Variants in LRP1B observed in about 807,000 individuals in gnomAD.
LRP1B encodes the protein LDL receptor related protein 1B.
A neutral mutation model predicts 556.6 loss-of-function variants in LRP1B; 217 were observed. The observed-to-expected ratio is 0.39, with a 90% confidence interval of 0.35 to 0.44. The LOEUF (loss-of-function observed/expected upper bound fraction) is 0.44. Ranked by LOEUF, LRP1B falls within the 20% of genes least tolerant of loss-of-function variation. The pLI, the probability that LRP1B is intolerant of heterozygous loss-of-function variation, is 1.00. For missense variants in LRP1B, 5,053 were observed against 5,620.8 expected (o/e 0.90, Z 3.23); for synonymous variants, 2,047 against 1,865.8 (o/e 1.10, Z -2.50).
chr2:141,314,923 T>A (rs1270639070), intron 3 of LRP1B, among the ~76,000 whole-genome samples: 2 of 146,648 alleles, frequency 1.4e-5, no homozygotes, highest in Non-Finnish European at 3.0e-5. Context: ...CATATATATA[T>A]GTATAGGCCT....
chr2:140,942,369 A>G (rs934802833), intron 20 of LRP1B, among the ~76,000 whole-genome samples: 7 of 152,194 alleles, frequency 4.6e-5, no homozygotes, highest in Non-Finnish European at 8.8e-5. Context: ...AACATATTTG[A>G]GGATATAGTC....
chr2:141,624,604 T>C (rs1029011538), intron 2 of LRP1B, among the ~76,000 whole-genome samples: 1 of 152,128 alleles, frequency 6.6e-6, no homozygotes, highest in Non-Finnish European at 1.5e-5. Context: ...TATCTATAAA[T>C]AGATAGATAT....
rs143150431 is a variant in LRP1B, at chr2:141,382,547, C to T, written c.343+97849G>A. 1.4e-4 allele frequency among the ~76,000 whole-genome samples: 22 copies of T among 152,278 alleles called. No individual in the cohort carries two copies. The East Asian group carries it at 3.7e-3, about 25-fold the overall frequency. Reference sequence around the variant, plus strand: ...TGAAGTCGGGGACATAACCTGCCAGCGCAGAGGCCTGCTGAGAGACATGGC... The same window carrying T: ...TGAAGTCGGGGACATAACCTGCCAGTGCAGAGGCCTGCTGAGAGACATGGC... On this transcript the variant is annotated intron_variant, in intron 3 of 90. Coordinates refer to ENST00000389484, the MANE Select transcript of LRP1B (RefSeq NM_018557.3).
intron 37 of LRP1B, among the ~76,000 whole-genome samples, 172 bp from the exon 38 acceptor site, chr2:140,702,725 G>A (rs991923047): frequency 2.0e-5 from 3 of 151,908 alleles, no homozygotes; most frequent in African/African-American, 4.8e-5. Flanking sequence ...AATTTTTATC[G>A]TAAAAAAATA....
chr2:140,503,294 C>G (rs746429923), intron 53 of LRP1B, among the ~76,000 whole-genome samples, 191 bp from the exon 54 acceptor site: 1 of 151,878 alleles, frequency 6.6e-6, no homozygotes, highest in Non-Finnish European at 1.5e-5. Flanking sequence ...GGAATATGGT[C>G]CAAAAACTCA....
rs959520965 is a variant in LRP1B, at chr2:140,601,510, G to A, written c.6929C>T (p.Ala2310Val). The change falls in exon 42 of 91, where the codon GCT becomes GTT. Residue 2310 changes from alanine (A) to valine (V), a missense_variant. This residue lies in a region of LRP1B where 3,619 missense variants were observed against 3,931.9 expected (regional missense o/e 0.92). Transcript: ENST00000389484. ...QTRPGAFDRE[A>V]VITMSEDDHP... The stretch of plus-strand genomic sequence containing the variant: ...GTCATCTTCTGACATGGTGATGACA[G>A]CTTCCCTGTCAAATGCTCCAGGCCG... The A allele has an allele frequency of 1.2e-6, 2 of 1,613,164 alleles. No homozygotes were observed. Among genetic ancestry groups the A allele is most frequent in the African/African-American group, 1.3e-5 (1 of 75,002 alleles).
intron 86 of LRP1B, among the ~76,000 whole-genome samples, chr2:140,258,813 G>GT (rs1046300121): frequency 3.2e-4 from 49 of 152,168 alleles, no homozygotes; most frequent in Admixed American, 2.2e-3. Flanking sequence ...CCTCTATACT[G>GT]TTTTTTGTGC....
chr2:141,133,411 C>T (rs532644815), intron 7 of LRP1B, among the ~76,000 whole-genome samples: 4 of 151,240 alleles, frequency 2.6e-5, no homozygotes, highest in African/African-American at 7.3e-5. Context: ...TAACTTGCAA[C>T]GGACATTAAG....
At chr2:140,790,465 G>A (rs1376305968) in intron 32 of LRP1B, among the ~76,000 whole-genome samples, 4 of 152,132 alleles carry the variant, frequency 2.6e-5, no homozygotes, top group Admixed American at 1.3e-4. Flanking sequence ...ATATCCTTAA[G>A]TAAGTGTGAC....
intron 3 of LRP1B, among the ~76,000 whole-genome samples, chr2:141,349,335 A>C (rs1020846459): frequency 2.6e-5 from 4 of 152,012 alleles, no homozygotes; most frequent in Admixed American, 6.6e-5. Flanking sequence ...ACTCTCTCAA[A>C]GGTCTGTGTT....
chr2:140,324,158 TTAC>T (rs1680324517), intron 80 of LRP1B, 92 bp from the exon 81 acceptor site: 1 of 697,692 alleles, frequency 1.4e-6, no homozygotes, highest in Non-Finnish European at 2.4e-6. Flanking sequence ...GAAAACCTTA[TTAC>T]TGTTTAAAAA....
At chr2:141,713,087 A>ATT (rs397870971) in intron 2 of LRP1B, among the ~76,000 whole-genome samples, 57 of 142,662 alleles carry the variant, frequency 4.0e-4, no homozygotes, top group South Asian at 2.7e-3. Context: ...AAATAATTTC[A>ATT]TTTTTTTTTT....
At chr2:141,342,499 T>C (rs1688102790) in intron 3 of LRP1B, among the ~76,000 whole-genome samples, 1 of 151,884 alleles carries the variant, frequency 6.6e-6, no homozygotes, top group Non-Finnish European at 1.5e-5. Context: ...GTCTGAGCTA[T>C]AGAATAACCC....
At chr2:141,525,124 C>A (rs894216070) in intron 2 of LRP1B, among the ~76,000 whole-genome samples, 32 of 152,004 alleles carry the variant, frequency 2.1e-4, no homozygotes, top group Admixed American at 2.1e-3. Context: ...GGACAAACAA[C>A]AGTTTCATCC....
chr2:141,198,160 T>C (rs775170557), intron 6 of LRP1B, among the ~76,000 whole-genome samples: 87 of 152,228 alleles, frequency 5.7e-4, no homozygotes, highest in Non-Finnish European at 2.8e-4. Flanking sequence ...GATGATATAA[T>C]TGCATTTATT....
At chr2:141,933,936 A>G (rs1242146143) in intron 1 of LRP1B, among the ~76,000 whole-genome samples, 1 of 152,102 alleles carries the variant, frequency 6.6e-6, no homozygotes, top group Non-Finnish European at 1.5e-5. Flanking sequence ...AACACAAGTC[A>G]TCATGAGTAA....
intron 17 of LRP1B, among the ~76,000 whole-genome samples, chr2:140,984,001 T>C (rs1317740386): frequency 6.6e-6 from 1 of 151,782 alleles, no homozygotes; most frequent in African/African-American, 2.4e-5. Context: ...TATACGAAAA[T>C]GAATAAAGTT....
At chr2:140,792,793 T>C (rs535632212) in intron 32 of LRP1B, among the ~76,000 whole-genome samples, 18 of 152,238 alleles carry the variant, frequency 1.2e-4, no homozygotes, top group African/African-American at 4.1e-4. Flanking sequence ...ACAGAATATG[T>C]ATAGTAACCC....
intron 2 of LRP1B, among the ~76,000 whole-genome samples, chr2:141,549,355 T>C (rs1685669516): frequency 6.6e-6 from 1 of 152,126 alleles, no homozygotes; most frequent in Non-Finnish European, 1.5e-5. Context: ...AATTTTCAGA[T>C]TGAGGCAACA....
Sources: gnomAD v4.1 joint callset for allele counts (sites outside exome capture counted in the v4.1 genomes callset) on GRCh38, gnomAD v4.1.1 for gene constraint, gnomAD v4.1.1 regional missense constraint, MANE v1.5 for transcripts, NCBI Gene and HGNC (gene_info 2026-07-23, HGNC 2026-07-21) for gene names.